HERC2: variants seen among roughly 807,000 people sequenced by gnomAD.
The protein encoded by HERC2 is HECT and RLD domain containing E3 ubiquitin protein ligase 2.
Under a neutral mutation model 537.7 loss-of-function variants are expected in HERC2, and 102 were observed. That is an observed-to-expected ratio of 0.19 (90% CI 0.16 to 0.22). The LOEUF (loss-of-function observed/expected upper bound fraction) is 0.22. HERC2 is among the 10% of genes least tolerant of loss of function. The probability of loss-of-function intolerance (pLI) is 1.00; values close to 1 mark genes in which losing one functional copy is unlikely to be tolerated. For missense variants in HERC2, 4,236 were observed against 6,198.2 expected (o/e 0.68, Z 10.63); for synonymous variants, 2,224 against 2,466.2 (o/e 0.90, Z 2.91).
At chr15:28,264,712 A>T (rs1305459074) in intron 14 of HERC2, among the ~76,000 whole-genome samples, 1 of 152,240 alleles carries the variant, frequency 6.6e-6, no homozygotes, top group Non-Finnish European at 1.5e-5. Context: ...TAATCTCCTA[A>T]CACAGCTTAG....
At chr15:28,210,296 G>A (rs953046713) in intron 44 of HERC2, among the ~76,000 whole-genome samples, 2 of 152,074 alleles carry the variant, frequency 1.3e-5, no homozygotes, top group African/African-American at 2.4e-5. Context: ...ACCGTGCCCA[G>A]CTAATGTTTT....
intron 2 of HERC2, among the ~76,000 whole-genome samples, chr15:28,303,945 C>T (rs1474775601): frequency 1.3e-5 from 2 of 152,102 alleles, no homozygotes; most frequent in Non-Finnish European, 2.9e-5. Context: ...GCAGGCGGAT[C>T]ACCTGAGGTC....
rs763077992 is a variant in HERC2, at chr15:28,142,265, T to C, written c.11673A>G (p.Thr3891=). 16 of 1,613,948 alleles carry C rather than the reference T, an allele frequency of 9.9e-6. No individual in the cohort carries two copies. The highest frequency in any genetic ancestry group is 1.4e-5 in the Non-Finnish European group (16 of 1,180,030). ...SRVAVALDKR[T]PLPRLFLDEV... ...CATCAAGAAACAGACGGGGCAACGG[T>C]GTTCTTTTGTCAAGGGCCACAGCAA... is the stretch of plus-strand genomic sequence containing the variant. Residue 3891 remains threonine (T), a synonymous_variant, in exon 76 of 93, where the codon ACA becomes ACG. Transcript: ENST00000261609.
At chr15:28,320,956 A>G (rs1344328077) in intron 2 of HERC2, among the ~76,000 whole-genome samples, 17 of 151,844 alleles carry the variant, frequency 1.1e-4, no homozygotes, top group African/African-American at 4.1e-4. Context: ...TCATAAAATG[A>G]GTGAGTTTCT....
At chr15:28,258,588 C>G (rs2075331462) in intron 16 of HERC2, among the ~76,000 whole-genome samples, 1 of 152,028 alleles carries the variant, frequency 6.6e-6, no homozygotes, top group African/African-American at 2.4e-5. Context: ...AATTAAAGCA[C>G]TGCTAAACAG....
chr15:28,309,822 T>C (rs2076891203), intron 2 of HERC2, among the ~76,000 whole-genome samples: 5 of 152,210 alleles, frequency 3.3e-5, no homozygotes. Context: ...GTTTGGTAAC[T>C]TGTTCTGTAG....
intron 2 of HERC2, among the ~76,000 whole-genome samples, chr15:28,301,729 GTATGTGTATATATA>G (rs1213564257): frequency 1.9e-3 from 71 of 37,894 alleles, no homozygotes; most frequent in African/African-American, 5.7e-3. Flanking sequence ...CTAGTTGTAT[GTATGTGTATATATA>G]TATATATATA....
intron 3 of HERC2, among the ~76,000 whole-genome samples, chr15:28,299,019 G>A (rs2076548814): frequency 6.6e-6 from 1 of 152,068 alleles, no homozygotes; most frequent in South Asian, 2.1e-4. Context: ...AAACCTCAAT[G>A]GGGACTCTGA....
At chr15:28,158,555 C>A (rs1367546043) in intron 69 of HERC2, among the ~76,000 whole-genome samples, 1 of 152,116 alleles carries the variant, frequency 6.6e-6, no homozygotes, top group African/African-American at 2.4e-5. Flanking sequence ...ACTAGGATTG[C>A]AACTCCTGCC....
chr15:28,136,884 CTAAAG>C (rs536432632), intron 78 of HERC2, among the ~76,000 whole-genome samples: 4 of 152,010 alleles, frequency 2.6e-5, no homozygotes, highest in South Asian at 2.1e-4. Flanking sequence ...AAGAATTTCA[CTAAAG>C]TAAATTGAGA....
At chr15:28,260,575 C>T (rs1475141097) in intron 16 of HERC2, among the ~76,000 whole-genome samples, 1 of 152,190 alleles carries the variant, frequency 6.6e-6, no homozygotes, top group Non-Finnish European at 1.5e-5. Flanking sequence ...AGAAATGAAA[C>T]TGCCCCTCTA....
chr15:28,247,628 C>T (rs1175451355), intron 21 of HERC2, among the ~76,000 whole-genome samples: 1 of 152,056 alleles, frequency 6.6e-6, no homozygotes, highest in Non-Finnish European at 1.5e-5. Context: ...CGGGGTTTCA[C>T]TATGTTGGTC....
intron 69 of HERC2, among the ~76,000 whole-genome samples, chr15:28,156,059 G>A (rs1892976689): frequency 6.6e-6 from 1 of 152,156 alleles, no homozygotes; most frequent in South Asian, 2.1e-4. Flanking sequence ...GTTTGTCAAA[G>A]ATCAGATAGT....
rs1450640481 is a variant in HERC2 at position 28,270,792 on chromosome 15, A to G, written c.1160T>C (p.Ile387Thr). The G allele has an allele frequency of 7.4e-6, 12 of 1,614,016 alleles. No individual in the cohort carries two copies. The highest frequency in any genetic ancestry group is 2.2e-5 in the East Asian group (1 of 44,882). Residue 387 changes from isoleucine to threonine, a missense_variant, in exon 10 of 93, where the codon ATT (isoleucine) becomes ACT (threonine). By Grantham distance (89) the Ile-to-Thr change is moderately conservative. Coordinates refer to ENST00000261609, the MANE Select transcript of HERC2 (RefSeq NM_004667.6). ...AACAACCGCCGTTTGTCGCAGATCA[A>G]TGGCAAGCTCGTTGTCTTGTGGAAG... ...LTLPQDNELA[I>T]DLRQTAVVVM... is the part of the protein sequence containing the mutation.
chr15:28,321,034 A>C (rs2077214803), intron 2 of HERC2, among the ~76,000 whole-genome samples: 2 of 151,938 alleles, frequency 1.3e-5, no homozygotes, highest in African/African-American at 4.8e-5. Context: ...CAGCTCAAAA[A>C]CGATCAGTAA....
chr15:28,121,241 G>T, intron 86 of HERC2, 105 bp downstream of exon 86: 1 of 946,746 alleles, frequency 1.1e-6, no homozygotes, highest in South Asian at 1.4e-5. Context: ...TTAAAGTTGG[G>T]GTGCACAGGA....
intron 3 of HERC2, among the ~76,000 whole-genome samples, chr15:28,293,648 G>C (rs2076383298): frequency 6.6e-6 from 1 of 152,140 alleles, no homozygotes; most frequent in African/African-American, 2.4e-5. Flanking sequence ...CTTTTATCCA[G>C]TGAGTCCCAA....
At chr15:28,146,370 T>G in intron 70 of HERC2, 26 bp from the exon 71 acceptor site, 2 of 1,493,326 alleles carry the variant, frequency 1.3e-6, no homozygotes, top group Non-Finnish European at 1.9e-6. Context: ...GCACAAAACA[T>G]AGCAACCACT....
chr15:28,144,900 G>T, intron 71 of HERC2, 96 bp from the exon 72 acceptor site: 2 of 1,516,738 alleles, frequency 1.3e-6, no homozygotes, highest in Non-Finnish European at 1.8e-6. Context: ...TCCGTCACGT[G>T]TGAAGAGCAA....
Sources: gnomAD v4.1 joint callset for allele counts (sites outside exome capture counted in the v4.1 genomes callset) on GRCh38, gnomAD v4.1.1 for gene constraint, MANE v1.5 for transcripts, NCBI Gene and HGNC (gene_info 2026-07-23, HGNC 2026-07-21) for gene names.